WNT5A: variants seen among roughly 807,000 people sequenced by gnomAD.
WNT5A encodes Wnt family member 5A.
A neutral mutation model predicts 42.1 loss-of-function variants in WNT5A; 9 were observed. The observed-to-expected ratio is 0.21, with a 90% confidence interval of 0.13 to 0.37. The LOEUF is 0.37. WNT5A is among the 10% of genes least tolerant of loss of function. WNT5A has a pLI of 1.00. For synonymous variants in WNT5A, 210 were observed against 210.0 expected (o/e 1.00, Z 0.00); for missense variants, 426 against 534.0 (o/e 0.80, Z 1.99).
At chr3:55,470,586 A>G (rs953055607) in intron 4 of WNT5A, 36 bp from the exon 5 acceptor site, 4 of 1,463,404 alleles carry the variant, frequency 2.7e-6, no homozygotes, top group Non-Finnish European at 3.6e-6. Flanking sequence ...ACACACATTC[A>G]TGGAGGAGCC....
chr3:55,501,650 G>A, the WNT5A span: 142 of 152,326 alleles, frequency 9.3e-4, no homozygotes, highest in African/African-American at 3.2e-3. Flanking sequence ...CTTTTCATCT[G>A]TGTACTTTTA....
chr3:55,503,264 T>C, the WNT5A span, among the ~76,000 whole-genome samples: 1 of 152,214 alleles, frequency 6.6e-6, no homozygotes, highest in Non-Finnish European at 1.5e-5. Context: ...TGATTGAACA[T>C]TTTTATTATT....
rs1482539716 is a variant in WNT5A, at chr3:55,479,255, G to A, written c.391+59C>T. ...CTATCAAGCATGAAGTAAATGCTAAGGATTTCTTCTAGGAAAAAAAGTTAA... is the reference window on the plus strand; with the variant it reads ...CTATCAAGCATGAAGTAAATGCTAAAGATTTCTTCTAGGAAAAAAAGTTAA... On this transcript the variant is annotated intron_variant, in intron 3 of 4. Transcript: ENST00000264634. 6 of 1,437,670 alleles carry A rather than the reference G, an allele frequency of 4.2e-6. No individual in the cohort carries two copies. In the East Asian group the frequency reaches 1.3e-4, roughly 30 times the overall value. The allele number at this position is 1,437,670 out of a possible 1,614,324, so 89.1% of individuals were successfully genotyped here. A position where few individuals can be genotyped will look rare whatever the true frequency, so the allele number is the denominator to read the frequency against.
the WNT5A span, chr3:55,505,253 G>C: frequency 6.6e-6 from 1 of 152,348 alleles, no homozygotes; most frequent in East Asian, 1.9e-4. Flanking sequence ...GGTGGCAGCA[G>C]GGAGAAGTGC....
At chr3:55,486,701 TCA>T (rs776306037) in intron 1 of WNT5A, among the ~76,000 whole-genome samples, 5 of 152,206 alleles carry the variant, frequency 3.3e-5, no homozygotes, top group Non-Finnish European at 5.9e-5. Context: ...TGAACCGCAC[TCA>T]GTTTGTCTAC....
chr3:55,474,398 T>C lies in WNT5A; in HGVS notation c.623A>G (p.Lys208Arg). The C allele has an allele frequency of 6.2e-7, 1 of 1,612,728 alleles. No individual in the cohort carries two copies. The highest frequency in any genetic ancestry group is 8.5e-7 in the Non-Finnish European group (1 of 1,179,746). The stretch of plus-strand genomic sequence containing the variant: ...GATGCGAGCACTCTCGTAGGAGCCC[T>C]TGGCGTGGATGCGCTCCCGCTCGCG... ...DARERERIHA[K>R]GSYESARILM... Residue 208 changes from lysine to arginine, a missense_variant, in exon 4 of 5, where the codon AAG becomes AGG. Physicochemically the swap from Lys to Arg is conservative, Grantham distance 26. Transcript: ENST00000264634.
rs1167347530 is a variant in WNT5A, at chr3:55,466,757, AAC to A, written c.*3333_*3334del. ...TCGGGTATATGTTTTTGCAATAAAG[AAC>A]ACTGGTCAATATACAACTGAGGAAA... is the stretch of plus-strand genomic sequence containing the variant. On this transcript the variant is annotated 3_prime_UTR_variant, in exon 5 of 5. Transcript: ENST00000264634. 6.6e-6 allele frequency: 1 copy of A among 152,656 alleles called. No individual in the cohort carries two copies. The highest frequency in any genetic ancestry group is 1.5e-5 in the Non-Finnish European group (1 of 68,040). The allele number at this position is 152,656 out of a possible 1,614,324, so 9.5% of individuals were successfully genotyped here. A position where few individuals can be genotyped will look rare whatever the true frequency, so the allele number is the denominator to read the frequency against.
the WNT5A span, among the ~76,000 whole-genome samples, chr3:55,504,821 A>G: frequency 1.3e-5 from 2 of 152,222 alleles, no homozygotes; most frequent in African/African-American, 4.8e-5. Flanking sequence ...ACAAATTGTA[A>G]GTATATCACT....
chr3:55,475,288 A>G (rs2051334148), intron 3 of WNT5A, among the ~76,000 whole-genome samples: 1 of 152,208 alleles, frequency 6.6e-6, no homozygotes, highest in African/African-American at 2.4e-5. Context: ...TTTGAGTTAC[A>G]TATAAGGCAG....
chr3:55,484,110 T>C (rs1405232471), intron 1 of WNT5A, among the ~76,000 whole-genome samples: 2 of 151,984 alleles, frequency 1.3e-5, no homozygotes, highest in Non-Finnish European at 2.9e-5. Flanking sequence ...GGACGCCAAA[T>C]AGGCGGAAGA....
At position 55,487,150 on chromosome 3, in the gene WNT5A, A is replaced by T. The variant is rs922203846; in HGVS notation, c.-165T>A. 8.2e-6 allele frequency: 5 copies of T among 613,026 alleles called. No homozygotes were observed. Among genetic ancestry groups the T allele is most frequent in the Non-Finnish European group, 1.4e-5 (5 of 352,092 alleles). 38.0% of individuals were successfully genotyped at this position (613,026 alleles called of 1,614,324 possible). Reference sequence around the variant, plus strand: ...GCAGTGAACCGGAGCTGAAGCGGGCACTGGCGCCCGGGCCTGGACTCCCGA... The same window carrying T: ...GCAGTGAACCGGAGCTGAAGCGGGCTCTGGCGCCCGGGCCTGGACTCCCGA... On this transcript the variant is annotated 5_prime_UTR_variant, in exon 1 of 5. Transcript: ENST00000264634.
rs373844847 is a variant in WNT5A, at chr3:55,465,782, A to C, written c.*4310T>G. On this transcript the variant is annotated 3_prime_UTR_variant, in exon 5 of 5. Coordinates refer to ENST00000264634, the MANE Select transcript of WNT5A (RefSeq NM_003392.7). ...AACAAAAATAAATAATCTTTATCTCATTTCTAGCCCAGCAAATTGTACACT... is the reference window on the plus strand; with the variant it reads ...AACAAAAATAAATAATCTTTATCTCCTTTCTAGCCCAGCAAATTGTACACT... 6 of 152,186 alleles carry C rather than the reference A, an allele frequency of 3.9e-5. No homozygotes were observed. The highest frequency in any genetic ancestry group is 1.4e-4 in the African/African-American group (6 of 41,442). 9.4% of individuals were successfully genotyped at this position (152,186 alleles called of 1,614,324 possible). A position where few individuals can be genotyped will look rare whatever the true frequency, so the allele number is the denominator to read the frequency against.
In WNT5A at chr3:55,468,640, T is replaced by A. The variant is rs1038839652; in HGVS notation, c.*1452A>T. The A allele has an allele frequency of 4.0e-5, 6 of 149,352 alleles. No individual in the cohort carries two copies. The highest frequency in any genetic ancestry group is 2.7e-4 in the Admixed American group (4 of 14,918). 9.3% of individuals were successfully genotyped at this position (149,352 alleles called of 1,614,324 possible). ...CAATGAGATATATTTATATTTATATTTATATATATGTATATATATATATAT... is the reference window on the plus strand; with the variant it reads ...CAATGAGATATATTTATATTTATATATATATATATGTATATATATATATAT... On this transcript the variant is annotated 3_prime_UTR_variant, in exon 5 of 5. Coordinates refer to ENST00000264634, the MANE Select transcript of WNT5A (RefSeq NM_003392.7).
chr3:55,478,096 T>C (rs2051390432), intron 3 of WNT5A, among the ~76,000 whole-genome samples: 1 of 152,166 alleles, frequency 6.6e-6, no homozygotes, highest in Admixed American at 6.5e-5. Context: ...AACTCTTAGA[T>C]TCAGATCCCA....
At chr3:55,489,620 G>A (rs2051636934), upstream of WNT5A, among the ~76,000 whole-genome samples, 1 of 152,132 alleles carries the variant, frequency 6.6e-6, no homozygotes, top group Non-Finnish European at 1.5e-5. Flanking sequence ...AGATGCTCCT[G>A]CTTAGCACCT....
intron 3 of WNT5A, among the ~76,000 whole-genome samples, chr3:55,474,901 G>A (rs1401887421): frequency 1.6e-5 from 2 of 127,606 alleles, no homozygotes; most frequent in Non-Finnish European, 3.3e-5. Context: ...GGGCTGGGGG[G>A]AGGTTGGGGT....
the WNT5A span, among the ~76,000 whole-genome samples, chr3:55,500,173 T>G: frequency 6.6e-6 from 1 of 152,234 alleles, no homozygotes; most frequent in Non-Finnish European, 1.5e-5. Flanking sequence ...ACCATGAGTT[T>G]TTTTCTTAGT....
Position 55,474,456 on chromosome 3 carries a change from C to T in WNT5A, c.565G>A (p.Gly189Ser). ...ACGAACTCCTTGGCAAAGCGGTAGC[C>T]ATAGTCGATGTTGTCGCCGCAGCCG... ...WGGCGDNIDYGYRFAKEFVDA... is the reference protein window; with the variant it reads ...WGGCGDNIDYSYRFAKEFVDA... The change falls in exon 4 of 5, where the codon GGC becomes AGC. Residue 189 changes from glycine (G) to serine (S), a missense_variant. Coordinates refer to ENST00000264634, the MANE Select transcript of WNT5A (RefSeq NM_003392.7). 6.2e-7 allele frequency: 1 copy of T among 1,609,008 alleles called. No individual in the cohort carries two copies. The highest frequency in any genetic ancestry group is 8.5e-7 in the Non-Finnish European group (1 of 1,178,616).
chr3:55,486,138 G>C (rs966411259), intron 1 of WNT5A, among the ~76,000 whole-genome samples: 4 of 152,170 alleles, frequency 2.6e-5, no homozygotes, highest in Admixed American at 2.6e-4. Context: ...ACAAGAGTTC[G>C]CAAACTGGCC....
Sources: gnomAD v4.1 joint callset for allele counts (sites outside exome capture counted in the v4.1 genomes callset) on GRCh38, gnomAD v4.1.1 for gene constraint, MANE v1.5 for transcripts, NCBI Gene and HGNC (gene_info 2026-07-23, HGNC 2026-07-21) for gene names.